The following LINGO1 variants were observed in gnomAD, a reference collection of about 807,000 sequenced individuals.
LINGO1 encodes leucine rich repeat and Ig domain containing 1.
In LINGO1, 11 loss-of-function variants were observed where a neutral mutation model predicts 37.3. The ratio of observed to expected loss-of-function variants is 0.29; its 90% CI spans 0.19 to 0.49. The LOEUF (loss-of-function observed/expected upper bound fraction) is 0.49, where lower values mean the gene tolerates loss of function less well. LINGO1 is among the 20% of genes least tolerant of loss of function. The pLI is 0.99. For synonymous variants in LINGO1, 387 were observed against 403.0 expected (o/e 0.96, Z 0.48); for missense variants, 585 against 878.2 (o/e 0.67, Z 4.22).
intron 1 of LINGO1, among the ~76,000 whole-genome samples, chr15:77,756,485 GACACACACACACACAC>G (rs35031617): frequency 1.4e-5 from 2 of 140,710 alleles, no homozygotes; most frequent in African/African-American, 5.5e-5. Flanking sequence ...CAGACAGACA[GACACACACACACACAC>G]ACACACACAC....
At chr15:77,768,344 C>A (rs563519072) in intron 1 of LINGO1, among the ~76,000 whole-genome samples, 1 of 152,198 alleles carries the variant, frequency 6.6e-6, no homozygotes, top group Non-Finnish European at 1.5e-5. Flanking sequence ...AGTCTGCCCC[C>A]GCCAGAGGCC....
intron 2 of LINGO1, among the ~76,000 whole-genome samples, chr15:77,689,052 A>C (rs2075558729): frequency 6.6e-6 from 1 of 152,152 alleles, no homozygotes; most frequent in African/African-American, 2.4e-5. Context: ...CTTCCTGGAG[A>C]AGAAGGGACC....
intron 3 of LINGO1, among the ~76,000 whole-genome samples, chr15:77,665,922 C>T (rs1194383134): frequency 6.6e-6 from 1 of 152,232 alleles, no homozygotes; most frequent in African/African-American, 2.4e-5. Context: ...TCCCAGCCAC[C>T]CCCACACGGT....
At chr15:77,767,294 G>A (rs1368037833) in intron 1 of LINGO1, among the ~76,000 whole-genome samples, 1 of 152,202 alleles carries the variant, frequency 6.6e-6, no homozygotes, top group East Asian at 1.9e-4. Context: ...ACTTTAGAGA[G>A]AGGGGCTCCT....
chr15:77,777,465 G>GCACACACA (rs112112009), intron 1 of LINGO1, among the ~76,000 whole-genome samples: 143 of 140,092 alleles, frequency 1.0e-3, no homozygotes, highest in South Asian at 8.8e-3. Flanking sequence ...ATACACACAC[G>GCACACACA]CACACACACA....
intron 1 of LINGO1, chr15:77,819,131 A>G (rs968200377): frequency 3.2e-5 from 2 of 63,214 alleles, no homozygotes; most frequent in Admixed American, 3.0e-4. Flanking sequence ...CCAGCACCCC[A>G]CCCCCGCCGC....
intron 3 of LINGO1, among the ~76,000 whole-genome samples, chr15:77,672,000 G>GCCTCCTCCTCCTCCTCCTCCT (rs10559337): frequency 1.9e-4 from 27 of 145,670 alleles, no homozygotes; most frequent in African/African-American, 6.5e-4. Context: ...ATGAGCCTCT[G>GCCTCCTCCTCCTCCTCCTCCT]CCTCCTCCTC....
intron 1 of LINGO1, among the ~76,000 whole-genome samples, chr15:77,627,553 A>G (rs1281597983): frequency 6.6e-6 from 1 of 152,204 alleles, no homozygotes; most frequent in East Asian, 1.9e-4. Flanking sequence ...TCCGGGGTTC[A>G]TTCCCTGGGT....
chr15:77,686,822 G>A (rs1386960774), intron 2 of LINGO1, among the ~76,000 whole-genome samples: 1 of 152,122 alleles, frequency 6.6e-6, no homozygotes, highest in Non-Finnish European at 1.5e-5. Flanking sequence ...AGTCCCCTGG[G>A]CCTCCCCCAC....
chr15:77,620,151 C>G (rs2073873385), intron 1 of LINGO1, among the ~76,000 whole-genome samples: 2 of 152,254 alleles, frequency 1.3e-5, no homozygotes, highest in South Asian at 4.1e-4. Flanking sequence ...CTGCAACTGT[C>G]AAGAAAAGGT....
chr15:77,748,939 G>A lies in LINGO1; in HGVS notation c.-256-13886C>T, dbSNP rs1412600980. On this transcript the variant is annotated intron_variant, in intron 1 of 3. Transcript: ENST00000561686. ...TTTTTTTTTTTTTTTTTGGAGTCTC[G>A]CTCTGTCTCCCAGGCTGGAGTGCAC... Among the ~76,000 whole-genome samples, 27 of 113,362 alleles carry A rather than the reference G, an allele frequency of 2.4e-4. 1 individual carries two copies. Among genetic ancestry groups the A allele is most frequent in the African/African-American group, 8.4e-4 (24 of 28,594 alleles). The allele number at this position is 113,362 out of a possible 152,430, so 74.4% of individuals were successfully genotyped here. A position where few individuals can be genotyped will look rare whatever the true frequency, so the allele number is the denominator to read the frequency against.
At chr15:77,771,144 C>T (rs1016220735) in intron 1 of LINGO1, among the ~76,000 whole-genome samples, 3 of 152,204 alleles carry the variant, frequency 2.0e-5, no homozygotes, top group Non-Finnish European at 4.4e-5. Flanking sequence ...ACCCGCAGCT[C>T]TTAAGGTTCC....
At chr15:77,662,659 C>T (rs1290496960) in intron 3 of LINGO1, among the ~76,000 whole-genome samples, 1 of 152,188 alleles carries the variant, frequency 6.6e-6, no homozygotes, top group Non-Finnish European at 1.5e-5. Context: ...GGCCTGCCTG[C>T]CTCTCTGTGA....
At chr15:77,618,103 G>A (rs555345050) in intron 1 of LINGO1, among the ~76,000 whole-genome samples, 69 of 152,360 alleles carry the variant, frequency 4.5e-4, no homozygotes, top group African/African-American at 1.2e-3. Context: ...TGGCGCGGGT[G>A]TGAGGCTGGG....
chr15:77,700,390 G>A (rs921060615), upstream of LINGO1, among the ~76,000 whole-genome samples: 7 of 152,218 alleles, frequency 4.6e-5, no homozygotes, highest in Non-Finnish European at 7.3e-5. Context: ...GCCTCACCTA[G>A]CCCCTCTGTG....
At chr15:77,714,870 A>T (rs1242520846) in intron 2 of LINGO1, among the ~76,000 whole-genome samples, 1 of 151,936 alleles carries the variant, frequency 6.6e-6, no homozygotes, top group Non-Finnish European at 1.5e-5. Context: ...TCATTTCCCC[A>T]CGTCTTGGCT....
In LINGO1 at chr15:77,714,632, T is replaced by C. The variant is rs1033703195; in HGVS notation, c.-195+20360A>G. Among the ~76,000 whole-genome samples the C allele has an allele frequency of 5.3e-5, 8 of 152,236 alleles. No homozygotes were observed. The East Asian group carries it at 1.3e-3, about 26-fold the overall frequency. ...GCATTCTCTGTTTGCCCCAATGGCA[T>C]GAGAAGCGTGCACAGCCAGTGCCTG... On this transcript the variant is annotated intron_variant, in intron 2 of 3. Transcript: ENST00000561686.
intron 3 of LINGO1, among the ~76,000 whole-genome samples, chr15:77,656,217 C>T (rs1469547834): frequency 1.3e-5 from 2 of 152,188 alleles, no homozygotes; most frequent in African/African-American, 2.4e-5. Context: ...GAGAGAACTC[C>T]AGACCCCACT....
intron 1 of LINGO1, among the ~76,000 whole-genome samples, chr15:77,785,783 G>A (rs2076765121): frequency 2.0e-5 from 3 of 152,138 alleles, no homozygotes; most frequent in Admixed American, 2.0e-4. Flanking sequence ...CCTCCAGGAA[G>A]CCCTCCCTGA....
Sources: allele counts gnomAD v4.1 joint callset (sites outside exome capture counted in the v4.1 genomes callset), GRCh38; gene constraint gnomAD v4.1.1; transcripts MANE v1.5; gene names NCBI Gene and HGNC (gene_info 2026-07-23, HGNC 2026-07-21).